MSANTD2: variants seen among roughly 807,000 people sequenced by gnomAD.
MSANTD2 encodes myb/SANT-like DNA-binding domain-containing protein 2.
In MSANTD2, 19 loss-of-function variants were observed where a neutral mutation model predicts 52.6. The observed-to-expected ratio is 0.36, with a 90% CI of 0.25 to 0.53. MSANTD2 has a LOEUF of 0.53. MSANTD2 is among the 20% of genes least tolerant of loss of function. MSANTD2 has a pLI of 0.91. For synonymous variants in MSANTD2, 291 were observed against 289.7 expected, an observed-to-expected ratio of 1.00 and a Z score of -0.04; for missense variants, 558 against 716.3, an observed-to-expected ratio of 0.78 and a Z score of 2.52.
At position 124,800,110 on chromosome 11, in the gene MSANTD2, C is replaced by A. The variant is rs767658842; in HGVS notation, c.271G>T (p.Ala91Ser). 2.0e-6 allele frequency: 3 copies of A among 1,483,568 alleles called. No individual in the cohort carries two copies. The South Asian group carries it at 3.8e-5, about 19-fold the overall frequency. The allele number at this position is 1,483,568 out of a possible 1,614,324, so 91.9% of individuals were successfully genotyped here. A position where few individuals can be genotyped will look rare whatever the true frequency, so the allele number is the denominator to read the frequency against. The change falls in exon 1 of 4, where the codon GCT becomes TCT. Residue 91 changes from alanine to serine, a missense_variant. Coordinates refer to ENST00000374979, the MANE Select transcript of MSANTD2 (RefSeq NM_001308027.2). The surrounding 1 kb of genome is among the most constrained non-coding windows in gnomAD (Gnocchi z 4.3). The part of the protein sequence containing the change: ...SFSPGGGGGG[A>S]AAAAAAACRG... ...CAGGCGGCGGCGGCGGCTGCCGCAG[C>A]CCCGCCACCGCCGCCACCAGGGGAG...
At chr11:124,770,783 T>G (rs2135230777) in intron 3 of MSANTD2, among the ~76,000 whole-genome samples, 1 of 141,900 alleles carries the variant, frequency 7.0e-6, no homozygotes. Context: ...TTTTTTGGTT[T>G]TTTTTTTTTT....
chr11:124,784,634 ATTCCT>A (rs1945101202), intron 1 of MSANTD2: 4 of 984,938 alleles, frequency 4.1e-6, no homozygotes, highest in South Asian at 9.4e-5. Context: ...AGGCCACTTT[ATTCCT>A]TTCGTCTGTT....
chr11:124,796,890 G>C (rs533228668), intron 1 of MSANTD2, among the ~76,000 whole-genome samples: 169 of 152,288 alleles, frequency 1.1e-3, no homozygotes, highest in African/African-American at 3.8e-3. Flanking sequence ...CTGAAACTGG[G>C]ATCTAATGAC....
intron 1 of MSANTD2, among the ~76,000 whole-genome samples, chr11:124,799,454 C>A (rs979795770): frequency 1.3e-5 from 2 of 152,236 alleles, no homozygotes; most frequent in Non-Finnish European, 1.5e-5. Context: ...TCAATGCCCC[C>A]CCCTTCTGCC....
rs1945658656 is a variant in MSANTD2, at chr11:124,800,318, C to T, written c.63G>A (p.Glu21=). The change falls in exon 1 of 4, where the codon GAG becomes GAA. Residue 21 remains glutamate (E), a synonymous_variant. Transcript: ENST00000374979. This position sits in a 1 kb window ranked among gnomAD's most constrained non-coding sequence, Gnocchi z 4.3. ...CACCAGGAGAAGCCGGGGAAAGCAC[C>T]TCCATCTTCGGAATTTTTAGCGGCG... ...ANSPLKIPKM[E]VLSPASPGGL... 1.4e-5 allele frequency: 22 copies of T among 1,564,046 alleles called. No individual in the cohort carries two copies. The highest frequency in any genetic ancestry group is 1.8e-5 in the Non-Finnish European group (21 of 1,157,852).
intron 1 of MSANTD2, among the ~76,000 whole-genome samples, chr11:124,787,262 A>G (rs1474387203): frequency 2.0e-5 from 3 of 152,254 alleles, no homozygotes; most frequent in African/African-American, 7.2e-5. Context: ...AATAACATGT[A>G]GGAGTAACAT....
chr11:124,786,755 T>C (rs1167743949), intron 1 of MSANTD2, among the ~76,000 whole-genome samples: 1 of 152,244 alleles, frequency 6.6e-6, no homozygotes, highest in East Asian at 1.9e-4. Flanking sequence ...TTCATTTCAA[T>C]GACAAGAAAT....
chr11:124,793,071 T>C (rs141878410), intron 1 of MSANTD2, among the ~76,000 whole-genome samples: 50 of 152,344 alleles, frequency 3.3e-4, no homozygotes, highest in African/African-American at 1.1e-3. Flanking sequence ...CCTTTAATAA[T>C]TGATGGAGGC....
Position 124,800,012 on chromosome 11 carries a change from C to T in MSANTD2, c.369G>A (p.Glu123=), listed in dbSNP as rs1409821506. The T allele has an allele frequency of 6.3e-7, 1 of 1,582,662 alleles. No homozygotes were observed. The highest frequency in any genetic ancestry group is 8.5e-7 in the Non-Finnish European group (1 of 1,174,020). Reference sequence around the variant, plus strand: ...CTCCCTCCAGCTGCTGGTACCGCGCCTCCACCAGCCGCTCGTTGCCCCACA... The same window carrying T: ...CTCCCTCCAGCTGCTGGTACCGCGCTTCCACCAGCCGCTCGTTGCCCCACA... ...IAVWGNERLV[E]ARYQQLEGAG... Residue 123 remains glutamate, a synonymous_variant, in exon 1 of 4, where the codon GAG becomes GAA. Transcript: ENST00000374979. The surrounding 1 kb of genome is among the most constrained non-coding windows in gnomAD (Gnocchi z 4.3).
Position 124,767,392 on chromosome 11 carries a change from G to A in MSANTD2, c.1464C>T (p.Cys488=). 1.2e-6 allele frequency: 2 copies of A among 1,614,118 alleles called. No individual in the cohort carries two copies. Among genetic ancestry groups the A allele is most frequent in the African/African-American group, 1.3e-5 (1 of 75,024 alleles). The change falls in exon 4 of 4, where the codon TGC becomes TGT. Residue 488 remains cysteine (C), a synonymous_variant. Transcript: ENST00000374979. This position sits in a 1 kb window ranked among gnomAD's most constrained non-coding sequence, Gnocchi z 6.5. The part of the protein sequence containing the change: ...GIAEVRTLQQ[C]LFLHFQANTK... ...TATTCGCTTGGAAATGTAAAAATAA[G>A]CACTGCTGTAGAGTCCTGACCTCAG... is the stretch of plus-strand genomic sequence containing the variant.
intron 1 of MSANTD2, chr11:124,789,560 G>C (rs1223704723): frequency 6.6e-6 from 1 of 151,870 alleles, no homozygotes; most frequent in African/African-American, 2.4e-5. Context: ...AATAAACACA[G>C]GTTTCTATTT....
chr11:124,794,499 AT>A (rs1451019403), intron 1 of MSANTD2, among the ~76,000 whole-genome samples: 2 of 152,258 alleles, frequency 1.3e-5, no homozygotes, highest in Non-Finnish European at 2.9e-5. Flanking sequence ...TATATAAAAA[AT>A]AACAGGAAAT....
In MSANTD2 at chr11:124,767,233, G is replaced by T; in HGVS notation, c.1623C>A (p.Gly541=). The T allele has an allele frequency of 6.2e-7, 1 of 1,613,934 alleles. No individual in the cohort carries two copies. Among genetic ancestry groups the T allele is most frequent in the Non-Finnish European group, 8.5e-7 (1 of 1,179,950 alleles). Residue 541 remains glycine, a synonymous_variant, in exon 4 of 4, where the codon GGC becomes GGA. Coordinates refer to ENST00000374979, the MANE Select transcript of MSANTD2 (RefSeq NM_001308027.2). The surrounding 1 kb of genome is among the most constrained non-coding windows in gnomAD (Gnocchi z 6.5). ...VEVERDFLSA[G]SLVECLEKAI... ...CTTTTTCCAGGCACTCAACTAAAGAGCCTGCGGAAAGAAAATCCCTCTCTA... is the reference window on the plus strand; with the variant it reads ...CTTTTTCCAGGCACTCAACTAAAGATCCTGCGGAAAGAAAATCCCTCTCTA...
intron 1 of MSANTD2, chr11:124,792,712 T>A (rs184933579): frequency 9.8e-5 from 15 of 152,348 alleles, no homozygotes; most frequent in Admixed American, 3.9e-4. Context: ...GGTGATGGTA[T>A]ACTACCGTAA....
At position 124,774,303 on chromosome 11, in the gene MSANTD2, G is replaced by C. The variant is rs1414497144; in HGVS notation, c.766+416C>G. Among the ~76,000 whole-genome samples the C allele has an allele frequency of 6.7e-6, 1 of 148,740 alleles. No homozygotes were observed. Among genetic ancestry groups the C allele is most frequent in the Non-Finnish European group, 1.5e-5 (1 of 67,874 alleles). ...TTGGGATAAAAGAAGGAATTCCTAA[G>C]AACAACATCTACAGCAGTTGGGCCA... On this transcript the variant is annotated intron_variant, in intron 2 of 3. Transcript: ENST00000374979. The surrounding 1 kb of genome is among the most constrained non-coding windows in gnomAD (Gnocchi z 5.1).
At chr11:124,776,422 C>T (rs1944747708) in intron 1 of MSANTD2, among the ~76,000 whole-genome samples, 1 of 152,226 alleles carries the variant, frequency 6.6e-6, no homozygotes, top group Non-Finnish European at 1.5e-5. Context: ...CTCAGCCTCC[C>T]AAGTAGCTGG....
chr11:124,781,151 C>A (rs1464560618), intron 1 of MSANTD2, among the ~76,000 whole-genome samples: 1 of 150,142 alleles, frequency 6.7e-6, no homozygotes, highest in Non-Finnish European at 1.5e-5. Context: ...CCACTGCACT[C>A]CAGCCTGGGC....
chr11:124,785,701 G>A (rs1167395968), intron 1 of MSANTD2, among the ~76,000 whole-genome samples: 1 of 152,022 alleles, frequency 6.6e-6, no homozygotes. Flanking sequence ...GCTGGGGGGG[G>A]ACTAGCGTCT....
chr11:124,796,522 C>A (rs796566784), intron 1 of MSANTD2, among the ~76,000 whole-genome samples: 4 of 152,282 alleles, frequency 2.6e-5, no homozygotes, highest in African/African-American at 9.6e-5. Context: ...TCATGGCACA[C>A]TGCAGCCTCA....
Sources: gnomAD v4.1 joint callset for allele counts (sites outside exome capture counted in the v4.1 genomes callset) on GRCh38, gnomAD v4.1.1 for gene constraint, Gnocchi (gnomAD v3.1) non-coding constraint, MANE v1.5 for transcripts, NCBI Gene and HGNC (gene_info 2026-07-23, HGNC 2026-07-21) for gene names.